Variants in SYT16 observed in about 807,000 individuals in gnomAD.
SYT16 encodes the protein synaptotagmin 16.
In SYT16, 42 loss-of-function variants were observed where a neutral mutation model predicts 61.4. The ratio of observed to expected loss-of-function variants is 0.68; its 90% CI spans 0.53 to 0.89. SYT16 has a LOEUF of 0.89. SYT16 is among the 40% of genes least tolerant of loss of function. The probability of loss-of-function intolerance (pLI) is 0.00; values close to 1 mark genes in which losing one functional copy is unlikely to be tolerated. For synonymous variants in SYT16, 314 were observed against 302.3 expected (o/e 1.04, Z -0.40); for missense variants, 804 against 807.3 (o/e 1.00, Z 0.05).
At chr14:61,962,034 C>T (rs1016235012) in intron 1 of SYT16, among the ~76,000 whole-genome samples, 4 of 152,190 alleles carry the variant, frequency 2.6e-5, no homozygotes, top group South Asian at 2.1e-4. Context: ...TCAAATAACG[C>T]CTGTTCTTAC....
At chr14:62,038,742 A>T (rs2054604713) in intron 3 of SYT16, among the ~76,000 whole-genome samples, 1 of 152,182 alleles carries the variant, frequency 6.6e-6, no homozygotes, top group Non-Finnish European at 1.5e-5. Flanking sequence ...AGGACTATGT[A>T]CTTGAGAATC....
chr14:61,859,524 C>A (rs183528002), intron 1 of SYT16, among the ~76,000 whole-genome samples: 3 of 151,890 alleles, frequency 2.0e-5, no homozygotes, highest in Admixed American at 6.6e-5. Flanking sequence ...TCGGAAAACC[C>A]CTCTCTCTCT....
At chr14:62,046,587 G>C (rs1268972936) in intron 3 of SYT16, among the ~76,000 whole-genome samples, 1 of 152,160 alleles carries the variant, frequency 6.6e-6, no homozygotes, top group African/African-American at 2.4e-5. Context: ...ATGGTTTTAG[G>C]TCTAACATTT....
At position 62,080,864 on chromosome 14, in the gene SYT16, T is replaced by C. The variant is rs1249938019; in HGVS notation, c.1024T>C (p.Ser342Pro). 12 of 1,602,570 alleles carry C rather than the reference T, an allele frequency of 7.5e-6. No homozygotes were observed. The highest frequency in any genetic ancestry group is 9.4e-6 in the Non-Finnish European group (11 of 1,174,442). Residue 342 changes from serine to proline, a missense_variant, in exon 6 of 8, where the codon TCC (serine) becomes CCC (proline). Ser to Pro is a moderately conservative substitution (Grantham distance 74). Coordinates refer to ENST00000683842, the MANE Select transcript of SYT16 (RefSeq NM_001367656.1). ...GGACAGGACCAATTTGCAGGTGCCA[T>C]CCGGGGTCTCAGAGCCCATCTCAAA... Reference protein sequence around the residue: ...EQDRTNLQVPSGVSEPISKCG... With the variant: ...EQDRTNLQVPPGVSEPISKCG...
At chr14:62,053,042 G>A (rs541951116) in intron 3 of SYT16, among the ~76,000 whole-genome samples, 1 of 152,142 alleles carries the variant, frequency 6.6e-6, no homozygotes, top group Non-Finnish European at 1.5e-5. Flanking sequence ...AGGCTGGAAG[G>A]GTTTTGAAGT....
Position 62,084,318 on chromosome 14 carries a change from G to T in SYT16, c.1557G>T (p.Thr519=), listed in dbSNP as rs201947259. ...LLVGLSYNAT[T]GRLSVEMIKG... Reference sequence around the variant, plus strand: ...TGGGGCTCTCGTACAATGCCACAACGGGGCGATTATCTGTGGAAATGATCA... The same window carrying T: ...TGGGGCTCTCGTACAATGCCACAACTGGGCGATTATCTGTGGAAATGATCA... The change falls in exon 7 of 8, where the codon ACG becomes ACT. Residue 519 remains threonine, a synonymous_variant. Coordinates refer to ENST00000683842, the MANE Select transcript of SYT16 (RefSeq NM_001367656.1). The T allele has an allele frequency of 6.2e-7, 1 of 1,613,452 alleles. No homozygotes were observed. The highest frequency in any genetic ancestry group is 2.2e-5 in the East Asian group (1 of 44,860).
intron 1 of SYT16, among the ~76,000 whole-genome samples, chr14:61,937,950 G>T (rs562531872): frequency 6.6e-6 from 1 of 151,668 alleles, no homozygotes; most frequent in South Asian, 2.1e-4. Flanking sequence ...CCTTTGAGGA[G>T]TTTACAGTCC....
rs1555355256 is a variant in SYT16 at position 61,906,783 on chromosome 14, G to GTCTGTCCA, written c.-324-63347_-324-63346insTGTCCATC. ...CGTCCGTCAATCCATCCATCCGTCCGTCCGTCCATCCATCCATCCATCCAT... is the reference window on the plus strand; with the variant it reads ...CGTCCGTCAATCCATCCATCCGTCCGTCTGTCCATCCGTCCATCCATCCATCCATCCAT... On this transcript the variant is annotated intron_variant, in intron 1 of 7. Coordinates refer to ENST00000683842, the MANE Select transcript of SYT16 (RefSeq NM_001367656.1). 3.1e-4 allele frequency among the ~76,000 whole-genome samples: 18 copies of GTCTGTCCA among 57,748 alleles called. No individual in the cohort carries two copies. The East Asian group carries it at 3.2e-3, about 10-fold the overall frequency. The allele number at this position is 57,748 out of a possible 152,430, so 37.9% of individuals were successfully genotyped here.
At chr14:61,823,034 C>T (rs1256634362) in intron 1 of SYT16, among the ~76,000 whole-genome samples, 1 of 151,712 alleles carries the variant, frequency 6.6e-6, no homozygotes, top group Non-Finnish European at 1.5e-5. Context: ...TTTTTGTCGC[C>T]CAGGTTGGAG....
At chr14:62,098,873 A>G (rs1343175572) in intron 7 of SYT16, among the ~76,000 whole-genome samples, 1 of 152,206 alleles carries the variant, frequency 6.6e-6, no homozygotes, top group Non-Finnish European at 1.5e-5. Flanking sequence ...AAGGTCAGAA[A>G]GGTCAGCAAA....
rs17099400 is a variant in SYT16, at chr14:62,028,189, A to G, written c.523+31647A>G. On this transcript the variant is annotated intron_variant, in intron 3 of 7. Transcript: ENST00000683842. ...CATTTATGTTTGGCTTCTACCTTCA[A>G]TTGATTGTCTTGCAATGGTTTGATT... 9.9e-3 allele frequency among the ~76,000 whole-genome samples: 1,510 copies of G among 152,242 alleles called. 20 individuals carry two copies. Among genetic ancestry groups the G allele is most frequent in the African/African-American group, 0.035 (1,454 of 41,526 alleles).
At chr14:61,944,287 T>A (rs576429892) in intron 1 of SYT16, among the ~76,000 whole-genome samples, 1 of 152,300 alleles carries the variant, frequency 6.6e-6, no homozygotes, top group East Asian at 1.9e-4. Flanking sequence ...AGAATTAATA[T>A]TGTGAAAACG....
chr14:61,890,054 C>G (rs775698841), intron 1 of SYT16, among the ~76,000 whole-genome samples: 1 of 152,032 alleles, frequency 6.6e-6, no homozygotes, highest in African/African-American at 2.4e-5. Context: ...TTTTATAAGT[C>G]GAGAAAGATC....
At chr14:61,829,960 A>C (rs1258005437) in intron 1 of SYT16, among the ~76,000 whole-genome samples, 2 of 151,982 alleles carry the variant, frequency 1.3e-5, no homozygotes, top group Non-Finnish European at 2.9e-5. Context: ...GGCTTTATTG[A>C]TATATTTTCA....
chr14:62,064,343 A>AAAG (rs2055963384), intron 3 of SYT16, among the ~76,000 whole-genome samples: 1 of 150,010 alleles, frequency 6.7e-6, no homozygotes, highest in African/African-American at 2.4e-5. Flanking sequence ...TGAAAAAAAA[A>AAAG]AAAAAAAAAA....
At chr14:61,836,520 C>T (rs2046134892) in intron 1 of SYT16, among the ~76,000 whole-genome samples, 1 of 152,192 alleles carries the variant, frequency 6.6e-6, no homozygotes, top group Non-Finnish European at 1.5e-5. Context: ...ATCCTGTAGC[C>T]ATTCTCCTAC....
intron 3 of SYT16, among the ~76,000 whole-genome samples, chr14:62,062,142 A>G (rs756347895): frequency 2.2e-4 from 34 of 152,162 alleles, no homozygotes; most frequent in East Asian, 7.7e-4. Context: ...CTTTGTTCCT[A>G]TGTGAAATGG....
intron 3 of SYT16, among the ~76,000 whole-genome samples, chr14:62,050,960 A>C (rs547478075): frequency 3.3e-5 from 5 of 152,078 alleles, no homozygotes; most frequent in East Asian, 1.9e-4. Context: ...CTCAGATCTC[A>C]AGCTGCGTGC....
chr14:61,902,856 T>A (rs2048571388), intron 1 of SYT16, among the ~76,000 whole-genome samples: 1 of 152,164 alleles, frequency 6.6e-6, no homozygotes, highest in Non-Finnish European at 1.5e-5. Context: ...CCATCAGATC[T>A]TGTGAGATTT....
Sources: allele counts gnomAD v4.1 joint callset (sites outside exome capture counted in the v4.1 genomes callset), GRCh38; gene constraint gnomAD v4.1.1; transcripts MANE v1.5; gene names NCBI Gene and HGNC (gene_info 2026-07-23, HGNC 2026-07-21).